Variants in NRXN1 observed in about 807,000 individuals in gnomAD.
The protein encoded by NRXN1 is neurexin-1.
Under a neutral mutation model 150.9 loss-of-function variants are expected in NRXN1, and 39 were observed. The ratio of observed to expected loss-of-function variants is 0.26; its 90% CI spans 0.20 to 0.34. The LOEUF is 0.34. Among genes scored for constraint, NRXN1 ranks in the 10% least tolerant of loss-of-function variants. The pLI is 1.00. For missense variants in NRXN1, 1,815 were observed against 1,949.9 expected (o/e 0.93, Z 1.30); for synonymous variants, 924 against 757.0 (o/e 1.22, Z -3.62).
At position 50,275,951 on chromosome 2, in the gene NRXN1, A is replaced by T. The variant is rs567749500; in HGVS notation, c.3365-38981T>A. Among the ~76,000 whole-genome samples, 17 of 150,542 alleles carry T rather than the reference A, an allele frequency of 1.1e-4. No homozygotes were observed. The East Asian group carries it at 3.0e-3, about 26-fold the overall frequency. ...AATTGTTCAATCACTGTTTTTGATGATAATAATTATCATATTATTACCCAT... is the reference window on the plus strand; with the variant it reads ...AATTGTTCAATCACTGTTTTTGATGTTAATAATTATCATATTATTACCCAT... On this transcript the variant is annotated intron_variant, in intron 17 of 22. Transcript: ENST00000401669.
At chr2:50,019,945 C>G (rs1687278038) in intron 21 of NRXN1, among the ~76,000 whole-genome samples, 1 of 18,166 alleles carries the variant, frequency 5.5e-5, no homozygotes, top group Non-Finnish European at 1.1e-4. Context: ...AAGACTCCGT[C>G]TCAAAAAAAA....
chr2:50,614,676 G>C (rs1018664440), intron 8 of NRXN1, among the ~76,000 whole-genome samples: 4 of 89,878 alleles, frequency 4.5e-5, no homozygotes, highest in African/African-American at 1.7e-4. Flanking sequence ...AAAAAAAACA[G>C]AATATCCCCT....
intron 21 of NRXN1, among the ~76,000 whole-genome samples, chr2:50,010,046 A>T (rs1685401435): frequency 6.6e-6 from 1 of 152,126 alleles, no homozygotes; most frequent in Non-Finnish European, 1.5e-5. Flanking sequence ...CAGACGATAC[A>T]ACTACATCAC....
chr2:50,379,491 A>G (rs558885375), intron 17 of NRXN1, among the ~76,000 whole-genome samples: 1 of 152,260 alleles, frequency 6.6e-6, no homozygotes, highest in Admixed American at 6.5e-5. Flanking sequence ...ATTGACTGCT[A>G]GGCAGAGCAC....
rs576951962 is a variant in NRXN1 at position 50,095,860 on chromosome 2, A to G, written c.3547-4366T>C. On this transcript the variant is annotated intron_variant, in intron 18 of 22. Transcript: ENST00000401669. ...GTGCAGGTTTGTTACATATGTATAC[A>G]TGTGCCATGTTGGTGTGCTGCACCC... 2.4e-4 allele frequency among the ~76,000 whole-genome samples: 36 copies of G among 151,688 alleles called. No homozygotes were observed. In the South Asian group the frequency reaches 3.3e-3, roughly 14 times the overall value.
At chr2:50,369,371 A>T (rs2079839668) in intron 17 of NRXN1, among the ~76,000 whole-genome samples, 1 of 152,022 alleles carries the variant, frequency 6.6e-6, no homozygotes, top group Admixed American at 6.6e-5. Context: ...GATTAAGCTT[A>T]TTAAGTGTAC....
intron 13 of NRXN1, among the ~76,000 whole-genome samples, chr2:50,503,382 C>T (rs928624368): frequency 6.6e-6 from 1 of 151,184 alleles, no homozygotes; most frequent in Admixed American, 6.6e-5. Flanking sequence ...GAAGGCATGT[C>T]ATGAGATCAT....
chr2:50,591,869 G>A (rs1447245468), intron 8 of NRXN1, among the ~76,000 whole-genome samples: 2 of 152,180 alleles, frequency 1.3e-5, no homozygotes, highest in Non-Finnish European at 2.9e-5. Context: ...TGGCTATTAA[G>A]CTACATTCCC....
chr2:50,912,026 C>CA (rs905009743), intron 5 of NRXN1, among the ~76,000 whole-genome samples: 7 of 151,366 alleles, frequency 4.6e-5, no homozygotes, highest in African/African-American at 1.2e-4. Context: ...TTTTTATTAT[C>CA]AAAAAAAGTC....
intron 5 of NRXN1, among the ~76,000 whole-genome samples, chr2:50,634,034 T>C (rs577514440): frequency 1.2e-4 from 19 of 152,104 alleles, no homozygotes; most frequent in African/African-American, 2.7e-4. Flanking sequence ...CCAGTGAGCA[T>C]TGAGCACAGT....
chr2:50,389,300 CTTT>C (rs1372337360), intron 17 of NRXN1, among the ~76,000 whole-genome samples: 2 of 148,890 alleles, frequency 1.3e-5, no homozygotes, highest in Non-Finnish European at 3.0e-5. Flanking sequence ...TATCAGTCTT[CTTT>C]ATTCCTAAAA....
chr2:50,893,397 A>G (rs1681391603), intron 5 of NRXN1, among the ~76,000 whole-genome samples: 1 of 152,162 alleles, frequency 6.6e-6, no homozygotes, highest in Non-Finnish European at 1.5e-5. Context: ...AACATTTGAC[A>G]TTTGTGAATA....
chr2:50,585,576 A>T (rs1005636259), intron 8 of NRXN1, among the ~76,000 whole-genome samples: 1 of 152,208 alleles, frequency 6.6e-6, no homozygotes, highest in Admixed American at 6.5e-5. Flanking sequence ...AAGAAAACTA[A>T]ATTTTAAAAT....
rs767956451 is a variant in NRXN1, at chr2:50,623,494, A to G, written c.954T>C (p.Asn318=). 6.2e-7 allele frequency: 1 copy of G among 1,613,488 alleles called. No individual in the cohort carries two copies. Among genetic ancestry groups the G allele is most frequent in the Non-Finnish European group, 8.5e-7 (1 of 1,179,542 alleles). Residue 318 remains asparagine, a synonymous_variant, in exon 6 of 23, where the codon AAT becomes AAC. Coordinates refer to ENST00000401669, the MANE Select transcript of NRXN1 (RefSeq NM_001330078.2). The stretch of plus-strand genomic sequence containing the variant: ...ATTTCCCAGTGTGAAGCATCAGTCC[A>G]TTCCTCTGAAGGGTTTTAAATGACA... ...ITLSFKTLQR[N]GLMLHTGKSA... is the part of the protein sequence containing the mutation.
chr2:50,539,350 C>A (rs1023701676), intron 9 of NRXN1, among the ~76,000 whole-genome samples: 3 of 151,988 alleles, frequency 2.0e-5, no homozygotes, highest in Non-Finnish European at 4.4e-5. Flanking sequence ...ATTTGTAAAC[C>A]AAGCTAGTTA....
At chr2:50,461,852 G>T (rs1202988387) in intron 17 of NRXN1, among the ~76,000 whole-genome samples, 1 of 151,946 alleles carries the variant, frequency 6.6e-6, no homozygotes, top group Non-Finnish European at 1.5e-5. Context: ...CAGACATAGT[G>T]AAAGAATGCA....
At chr2:50,639,227 T>C (rs1483005955) in intron 5 of NRXN1, among the ~76,000 whole-genome samples, 6 of 150,088 alleles carry the variant, frequency 4.0e-5, no homozygotes, top group East Asian at 2.0e-4. Flanking sequence ...TCTTTCTTTT[T>C]TTTTTTTTTT....
chr2:50,558,433 T>C (rs970286935), intron 8 of NRXN1, among the ~76,000 whole-genome samples: 1 of 152,216 alleles, frequency 6.6e-6, no homozygotes, highest in Non-Finnish European at 1.5e-5. Flanking sequence ...TGATAACCTT[T>C]CAATGAGTTA....
chr2:50,755,997 A>G (rs1486447486), intron 5 of NRXN1, among the ~76,000 whole-genome samples: 3 of 151,842 alleles, frequency 2.0e-5, no homozygotes, highest in African/African-American at 7.2e-5. Flanking sequence ...GGACAGAAGG[A>G]AAGGGAACAG....
Sources: gnomAD v4.1 joint callset for allele counts (sites outside exome capture counted in the v4.1 genomes callset) on GRCh38, gnomAD v4.1.1 for gene constraint, MANE v1.5 for transcripts, NCBI Gene and HGNC (gene_info 2026-07-23, HGNC 2026-07-21) for gene names.